The following DLG2 variants were observed in gnomAD, a reference collection of about 807,000 sequenced individuals.
The protein encoded by DLG2 is disks large homolog 2.
A neutral mutation model predicts 132.5 loss-of-function variants in DLG2; 45 were observed. The ratio of observed to expected loss-of-function variants is 0.34; its 90% CI spans 0.27 to 0.44. The LOEUF is 0.44. Among genes scored for constraint, DLG2 ranks in the 20% least tolerant of loss-of-function variants. The pLI, the probability that DLG2 is intolerant of heterozygous loss-of-function variation, is 1.00. For missense variants in DLG2, 1,045 were observed against 1,196.9 expected, an observed-to-expected ratio of 0.87 and a Z score of 1.87; for synonymous variants, 424 against 419.6, an observed-to-expected ratio of 1.01 and a Z score of -0.13.
chr11:84,429,131 T>C (rs2098976254), intron 7 of DLG2, among the ~76,000 whole-genome samples: 1 of 152,236 alleles, frequency 6.6e-6, no homozygotes, highest in Non-Finnish European at 1.5e-5. Flanking sequence ...GAGTCTCCTT[T>C]ACATTCTTCT....
At chr11:84,601,025 C>G (rs1023994636) in intron 6 of DLG2, among the ~76,000 whole-genome samples, 1 of 152,118 alleles carries the variant, frequency 6.6e-6, no homozygotes, top group Non-Finnish European at 1.5e-5. Context: ...GAACTTTGCT[C>G]ACTTCATTGT....
At chr11:84,958,827 A>C (rs543283528) in intron 6 of DLG2, among the ~76,000 whole-genome samples, 28 of 152,342 alleles carry the variant, frequency 1.8e-4, no homozygotes, top group African/African-American at 6.3e-4. Flanking sequence ...CTTGCCAGCT[A>C]CAAACCCTGA....
intron 18 of DLG2, among the ~76,000 whole-genome samples, chr11:83,704,215 T>G (rs759050771): frequency 2.0e-5 from 3 of 150,266 alleles, no homozygotes; most frequent in Non-Finnish European, 4.4e-5. Flanking sequence ...ATGAAAAACT[T>G]TGCATGAAAA....
chr11:83,549,823 G>A (rs542655075), intron 19 of DLG2, among the ~76,000 whole-genome samples: 1 of 152,302 alleles, frequency 6.6e-6, no homozygotes, highest in South Asian at 2.1e-4. Flanking sequence ...GATGGAGTTA[G>A]GAGTGCAGAT....
chr11:85,368,799 G>T (rs576882493), intron 3 of DLG2, among the ~76,000 whole-genome samples: 1 of 152,326 alleles, frequency 6.6e-6, no homozygotes, highest in South Asian at 2.1e-4. Context: ...AGGGGTCCCT[G>T]GAGAAACTCT....
intron 4 of DLG2, among the ~76,000 whole-genome samples, chr11:85,189,029 A>G (rs763750844): frequency 6.6e-6 from 1 of 152,080 alleles, no homozygotes; most frequent in Admixed American, 6.5e-5. Context: ...AGCAATATCC[A>G]TCTAAATACA....
intron 21 of DLG2, among the ~76,000 whole-genome samples, chr11:83,502,165 T>A (rs1397496001): frequency 6.6e-6 from 1 of 152,198 alleles, no homozygotes; most frequent in East Asian, 1.9e-4. Context: ...CAAGTCCTAT[T>A]AAGTGGCTAC....
intron 3 of DLG2, among the ~76,000 whole-genome samples, chr11:85,582,764 CT>C (rs1005057386): frequency 1.6e-5 from 2 of 127,482 alleles, no homozygotes; most frequent in African/African-American, 2.9e-5. Context: ...TTTTGAATAA[CT>C]TTTTTTTCAA....
chr11:84,932,719 C>T (rs1324915489), intron 6 of DLG2, among the ~76,000 whole-genome samples: 3 of 83,610 alleles, frequency 3.6e-5, no homozygotes, highest in Admixed American at 1.2e-4. Context: ...GCACAGTATT[C>T]CATGGTATAT....
intron 3 of DLG2, among the ~76,000 whole-genome samples, chr11:85,563,279 A>G (rs1349085436): frequency 6.6e-6 from 1 of 151,834 alleles, no homozygotes; most frequent in African/African-American, 2.4e-5. Flanking sequence ...CATTTTGACA[A>G]ATGTCTATAG....
chr11:85,395,065 A>G (rs2087177708), intron 3 of DLG2, among the ~76,000 whole-genome samples: 1 of 152,180 alleles, frequency 6.6e-6, no homozygotes, highest in Non-Finnish European at 1.5e-5. Context: ...CTCCCAGTGA[A>G]ACACTCTTAC....
At chr11:83,832,122 T>C (rs1473834525) in intron 17 of DLG2, among the ~76,000 whole-genome samples, 1 of 152,140 alleles carries the variant, frequency 6.6e-6, no homozygotes, top group Non-Finnish European at 1.5e-5. Context: ...AGAGTGATTG[T>C]GAGAAGAATA....
intron 6 of DLG2, among the ~76,000 whole-genome samples, chr11:84,858,612 T>C (rs943298388): frequency 2.0e-5 from 3 of 152,098 alleles, no homozygotes; most frequent in African/African-American, 7.2e-5. Flanking sequence ...TCCTGGCACA[T>C]GGCAGGATAT....
At chr11:83,909,901 A>T (rs894999271) in intron 15 of DLG2, among the ~76,000 whole-genome samples, 1 of 152,156 alleles carries the variant, frequency 6.6e-6, no homozygotes, top group Non-Finnish European at 1.5e-5. Context: ...CCTCTACTCC[A>T]GGGAAGCAGC....
At chr11:84,937,515 T>C (rs1051310180) in intron 6 of DLG2, among the ~76,000 whole-genome samples, 1 of 152,024 alleles carries the variant, frequency 6.6e-6, no homozygotes, top group African/African-American at 2.4e-5. Context: ...TACTTGACAG[T>C]GAGAAGGCAA....
At chr11:84,152,126 C>T (rs1722317062) in intron 9 of DLG2, among the ~76,000 whole-genome samples, 1 of 152,104 alleles carries the variant, frequency 6.6e-6, no homozygotes, top group Non-Finnish European at 1.5e-5. Context: ...GATGATCTAT[C>T]TAATACTGTC....
Position 84,016,137 on chromosome 11 carries a change from T to C in DLG2, c.920-35495A>G, listed in dbSNP as rs542849592. ...TTTGCGTTTCTCTAATGATCAGGGA[T>C]GTTGAGCTTTTTTTTCATGTTTGTT... is the stretch of plus-strand genomic sequence containing the variant. On this transcript the variant is annotated intron_variant, in intron 11 of 27. Coordinates refer to ENST00000376104, the MANE Select transcript of DLG2 (RefSeq NM_001142699.3). Among the ~76,000 whole-genome samples, 6 of 152,280 alleles carry C rather than the reference T, an allele frequency of 3.9e-5. No individual in the cohort carries two copies. In the South Asian group the frequency reaches 1.2e-3, roughly 32 times the overall value.
chr11:83,480,906 A>AATT (rs1320869566), intron 22 of DLG2, among the ~76,000 whole-genome samples: 8 of 152,058 alleles, frequency 5.3e-5, no homozygotes, highest in Non-Finnish European at 2.9e-5. Context: ...GAATCCCTTG[A>AATT]ATTTTATTTC....
intron 6 of DLG2, among the ~76,000 whole-genome samples, chr11:85,063,332 C>A (rs771425850): frequency 2.0e-5 from 3 of 151,854 alleles, no homozygotes; most frequent in Non-Finnish European, 4.4e-5. Context: ...TGGCCTGCAA[C>A]AATGATTAAT....
Sources: gnomAD v4.1 joint callset for allele counts (sites outside exome capture counted in the v4.1 genomes callset) on GRCh38, gnomAD v4.1.1 for gene constraint, MANE v1.5 for transcripts, NCBI Gene and HGNC (gene_info 2026-07-23, HGNC 2026-07-21) for gene names.